CANT1: variants seen among roughly 807,000 people sequenced by gnomAD.
CANT1 encodes calcium activated nucleotidase 1, also known as soluble calcium-activated nucleotidase 1.
CANT1 carries 26 observed loss-of-function variants against 30.0 expected under a neutral mutation model. That is an observed-to-expected ratio of 0.87 (90% CI 0.64 to 1.20). The LOEUF (loss-of-function observed/expected upper bound fraction) is 1.20. CANT1 is among the 50% of genes most tolerant of loss of function. CANT1 has a pLI of 0.00. For missense variants in CANT1, 518 were observed against 563.0 expected (o/e 0.92, Z 0.81); for synonymous variants, 246 against 251.8 (o/e 0.98, Z 0.22).
chr17:79,009,020 G>A (rs1381354980), intron 1 of CANT1, among the ~76,000 whole-genome samples: 1 of 152,186 alleles, frequency 6.6e-6, no homozygotes, highest in African/African-American at 2.4e-5. Context: ...ATAGACCAGA[G>A]GAGGGGTATT....
chr17:78,992,627 GA>G lies in CANT1; in HGVS notation c.*922del, dbSNP rs1245227057. On this transcript the variant is annotated 3_prime_UTR_variant, in exon 5 of 5. Transcript: ENST00000392446. ...AATTCAAGTCATTCACAGAAGTCTT[GA>G]AAGGCATGAGGATTTCTGACAGTTC... 1 of 535,090 alleles carries G rather than the reference GA, an allele frequency of 1.9e-6. No individual in the cohort carries two copies. Among genetic ancestry groups the G allele is most frequent in the African/African-American group, 1.9e-5 (1 of 53,932 alleles). The allele number at this position is 535,090 out of a possible 1,614,324, so 33.1% of individuals were successfully genotyped here.
intron 1 of CANT1, chr17:79,005,826 A>G (rs2377009): frequency 0.31 from 47,838 of 152,178 alleles, 9,188 homozygotes; most frequent in East Asian, 0.73. Flanking sequence ...TCACACACTC[A>G]TGCTAACAGC....
chr17:78,996,964 C>T lies in CANT1; in HGVS notation c.631+28G>A, dbSNP rs749752709. 1.4e-5 allele frequency: 23 copies of T among 1,612,784 alleles called. No homozygotes were observed. The highest frequency in any genetic ancestry group is 5.0e-5 in the Admixed American group (3 of 60,026). ...CCTGAGCTCCCACTCCCCACCCACA[C>T]CTCCATAAAACCTCAGGGTCCAGTT... On this transcript the variant is annotated intron_variant, in intron 3 of 4. Transcript: ENST00000392446. The surrounding 1 kb of genome is among the most constrained non-coding windows in gnomAD (Gnocchi z 5.1).
rs1290985148 is a variant in CANT1, at chr17:78,993,918, A to G, written c.838T>C (p.Tyr280His). ...RAAAGIQPPG[Y>H]LIHESACWSD... ...CAGCAGGCAGACTCATGGATGAGGT[A>G]GCCTGGGAACCGGGTGACCGCGGGT... The change falls in exon 5 of 5, where the codon TAC becomes CAC. Residue 280 changes from tyrosine (Y) to histidine (H), a missense_variant and splice_region_variant. Tyr to His is a moderately conservative substitution (Grantham distance 83, BLOSUM62 2). This residue lies in a region of CANT1 where 221 missense variants were observed against 211.8 expected (regional missense o/e 1.04). Coordinates refer to ENST00000392446, the MANE Select transcript of CANT1 (RefSeq NM_001159773.2). The surrounding 1 kb of genome is among the most constrained non-coding windows in gnomAD (Gnocchi z 4.5). The G allele has an allele frequency of 6.3e-7, 1 of 1,579,794 alleles. No homozygotes were observed. Among genetic ancestry groups the G allele is most frequent in the South Asian group, 1.1e-5 (1 of 88,238 alleles).
In CANT1 at chr17:78,992,570, C is replaced by A; in HGVS notation, c.*980G>T. The A allele has an allele frequency of 2.4e-6, 1 of 412,100 alleles. No individual in the cohort carries two copies. Among genetic ancestry groups the A allele is most frequent in the Non-Finnish European group, 4.7e-6 (1 of 211,164 alleles). The allele number at this position is 412,100 out of a possible 1,614,324, so 25.5% of individuals were successfully genotyped here. On this transcript the variant is annotated 3_prime_UTR_variant, in exon 5 of 5. Coordinates refer to ENST00000392446, the MANE Select transcript of CANT1 (RefSeq NM_001159773.2). ...AAAGAAACCCCAGGGAAGAGACAGGCCTCGTTCACAGACCCTAGGCAGGGA... is the reference window on the plus strand; with the variant it reads ...AAAGAAACCCCAGGGAAGAGACAGGACTCGTTCACAGACCCTAGGCAGGGA...
At position 78,997,239 on chromosome 17, in the gene CANT1, G is replaced by A. The variant is rs755322718; in HGVS notation, c.384C>T (p.Tyr128=). The A allele has an allele frequency of 1.9e-6, 3 of 1,614,164 alleles. No homozygotes were observed. The highest frequency in any genetic ancestry group is 2.5e-6 in the Non-Finnish European group (3 of 1,180,044). The change falls in exon 3 of 5, where the codon TAC becomes TAT. Residue 128 remains tyrosine (Y), a synonymous_variant. Transcript: ENST00000392446. The surrounding 1 kb of genome is among the most constrained non-coding windows in gnomAD (Gnocchi z 7.5). ...RAQEENTWFS[Y]LKKGYLTLSD... is the part of the protein sequence containing the mutation. The stretch of plus-strand genomic sequence containing the variant: ...ACAGGGTCAGGTAGCCCTTTTTCAG[G>A]TAACTGAACCAGGTGTTTTCCTCTT...
chr17:78,993,386 G>C lies in CANT1; in HGVS notation c.*164C>G. 4 of 993,374 alleles carry C rather than the reference G, an allele frequency of 4.0e-6. No individual in the cohort carries two copies. The highest frequency in any genetic ancestry group is 3.0e-6 in the Non-Finnish European group (2 of 667,470). The allele number at this position is 993,374 out of a possible 1,614,324, so 61.5% of individuals were successfully genotyped here. A position where few individuals can be genotyped will look rare whatever the true frequency, so the allele number is the denominator to read the frequency against. ...TCAGACCGCGGCCTCCGTGGGGCCC[G>C]GGGGTCCAGTGCCCGCACCACTATG... is the stretch of plus-strand genomic sequence containing the variant. On this transcript the variant is annotated 3_prime_UTR_variant, in exon 5 of 5. Coordinates refer to ENST00000392446, the MANE Select transcript of CANT1 (RefSeq NM_001159773.2). This position sits in a 1 kb window ranked among gnomAD's most constrained non-coding sequence, Gnocchi z 4.5.
rs1383443822 is a variant in CANT1, at chr17:78,998,622, C to T, written c.-146-659G>A. Among the ~76,000 whole-genome samples, 2 of 152,270 alleles carry T rather than the reference C, an allele frequency of 1.3e-5. No homozygotes were observed. The highest frequency in any genetic ancestry group is 4.8e-5 in the African/African-American group (2 of 41,474). On this transcript the variant is annotated intron_variant, in intron 1 of 4. Transcript: ENST00000392446. This position sits in a 1 kb window ranked among gnomAD's most constrained non-coding sequence, Gnocchi z 4.5. ...CCCTTCACTGCTGTCGCCAAGCCCA[C>T]TTCCCGGGCATACAGCATGATGGCT...
chr17:78,997,888 T>A lies in CANT1; in HGVS notation c.-71A>T, dbSNP rs181302869. 6.4e-4 allele frequency: 258 copies of A among 400,844 alleles called. No homozygotes were observed. The highest frequency in any genetic ancestry group is 3.4e-3 in the African/African-American group (171 of 49,592). The allele number at this position is 400,844 out of a possible 1,614,324, so 24.8% of individuals were successfully genotyped here. ...CTTTCCACAGCAAAATTACTCCATC[T>A]CCCCTGTCCCAGCTGGCAACGTGGG... On this transcript the variant is annotated 5_prime_UTR_variant, in exon 2 of 5. It introduces an in-frame stop codon into an upstream open reading frame of the 5' UTR. Coordinates refer to ENST00000392446, the MANE Select transcript of CANT1 (RefSeq NM_001159773.2). The surrounding 1 kb of genome is among the most constrained non-coding windows in gnomAD (Gnocchi z 7.5).
Position 79,002,538 on chromosome 17 carries a change from G to A in CANT1, c.-146-4575C>T, listed in dbSNP as rs147578597. 5.5e-3 allele frequency among the ~76,000 whole-genome samples: 841 copies of A among 151,972 alleles called. 4 individuals are homozygous for A. The highest frequency in any genetic ancestry group is 0.024 in the Middle Eastern group (7 of 294). ...GTGTAGACGCGGCCTGCGTAGACGC[G>A]GCCTGCTGTGTAGTCACGTCCTGGT... On this transcript the variant is annotated intron_variant, in intron 1 of 4. Coordinates refer to ENST00000392446, the MANE Select transcript of CANT1 (RefSeq NM_001159773.2). This position sits in a 1 kb window ranked among gnomAD's most constrained non-coding sequence, Gnocchi z 4.0.
intron 4 of CANT1, among the ~76,000 whole-genome samples, chr17:78,994,202 G>A (rs938227498): frequency 5.9e-5 from 9 of 152,082 alleles, no homozygotes; most frequent in African/African-American, 1.9e-4. Flanking sequence ...GAGCCTCCTC[G>A]GGGCTGATCC....
At chr17:78,994,902 A>G in intron 4 of CANT1, 116 bp downstream of exon 4, 1 of 1,097,208 alleles carries the variant, frequency 9.1e-7, no homozygotes, top group African/African-American at 1.5e-5. Flanking sequence ...CCGGGGTGAC[A>G]GAGCAAGACT....
chr17:78,999,830 T>C (rs1383789175), intron 1 of CANT1, among the ~76,000 whole-genome samples: 1 of 151,984 alleles, frequency 6.6e-6, no homozygotes, highest in Non-Finnish European at 1.5e-5. Context: ...ATTTTGTATT[T>C]TTAGTAGAGA....
At position 78,992,915 on chromosome 17, in the gene CANT1, C is replaced by T. The variant is rs1568030547; in HGVS notation, c.*635G>A. The T allele has an allele frequency of 2.4e-5, 9 of 367,814 alleles. No individual in the cohort carries two copies. The highest frequency in any genetic ancestry group is 9.2e-5 in the South Asian group (3 of 32,474). 22.8% of individuals were successfully genotyped at this position (367,814 alleles called of 1,614,324 possible). On this transcript the variant is annotated 3_prime_UTR_variant, in exon 5 of 5. Transcript: ENST00000392446. Reference sequence around the variant, plus strand: ...ACAGAATTTTCTTGAAGGGAGAAAGCGGTCACTGGCCATATGATGCGGAGA... The same window carrying T: ...ACAGAATTTTCTTGAAGGGAGAAAGTGGTCACTGGCCATATGATGCGGAGA...
At position 79,002,729 on chromosome 17, in the gene CANT1, A is replaced by T. The variant is rs779582823; in HGVS notation, c.-146-4766T>A. ...TCTCAAATCACCCTCCACAAAACTG[A>T]CAGAATAATTTTTCCAAAAAGCAAG... On this transcript the variant is annotated intron_variant, in intron 1 of 4. Coordinates refer to ENST00000392446, the MANE Select transcript of CANT1 (RefSeq NM_001159773.2). This position sits in a 1 kb window ranked among gnomAD's most constrained non-coding sequence, Gnocchi z 4.0. 3.9e-5 allele frequency among the ~76,000 whole-genome samples: 6 copies of T among 152,200 alleles called. No homozygotes were observed. The highest frequency in any genetic ancestry group is 8.8e-5 in the Non-Finnish European group (6 of 68,034).
At chr17:78,994,905 G>GC (rs2070975823) in intron 4 of CANT1, 113 bp downstream of exon 4, 1 of 1,132,630 alleles carries the variant, frequency 8.8e-7, no homozygotes. Flanking sequence ...GGGTGACAGA[G>GC]CAAGACTATG....
At chr17:79,001,328 C>A (rs1024534414) in intron 1 of CANT1, among the ~76,000 whole-genome samples, 7 of 152,120 alleles carry the variant, frequency 4.6e-5, no homozygotes, top group Admixed American at 3.9e-4. Context: ...CTTCAGCAGC[C>A]GAGGCCCCTG....
chr17:78,999,076 G>T (rs181819189), intron 1 of CANT1, among the ~76,000 whole-genome samples: 2 of 152,138 alleles, frequency 1.3e-5, no homozygotes, highest in Non-Finnish European at 2.9e-5. Flanking sequence ...GGGCTGAGAA[G>T]ATACAAAAAC....
At position 78,996,012 on chromosome 17, in the gene CANT1, T is replaced by C. The variant is rs1235912981; in HGVS notation, c.632-791A>G. 6.6e-6 allele frequency among the ~76,000 whole-genome samples: 1 copy of C among 152,150 alleles called. No homozygotes were observed. Among genetic ancestry groups the C allele is most frequent in the Non-Finnish European group, 1.5e-5 (1 of 68,014 alleles). On this transcript the variant is annotated intron_variant, in intron 3 of 4. Coordinates refer to ENST00000392446, the MANE Select transcript of CANT1 (RefSeq NM_001159773.2). The surrounding 1 kb of genome is among the most constrained non-coding windows in gnomAD (Gnocchi z 5.1). The stretch of plus-strand genomic sequence containing the variant: ...AGTACAGCCCAACCCCAGAGCTCCC[T>C]GTACCCCGCTTTCCTCCCTATCCAA...
Sources: gnomAD v4.1 joint callset for allele counts (sites outside exome capture counted in the v4.1 genomes callset) on GRCh38, gnomAD v4.1.1 for gene constraint, gnomAD v4.1.1 regional missense constraint, Gnocchi (gnomAD v3.1) non-coding constraint, MANE v1.5 for transcripts, NCBI Gene and HGNC (gene_info 2026-07-23, HGNC 2026-07-21) for gene names.